Variants in CACNG4 observed in about 807,000 individuals in gnomAD.
The protein encoded by CACNG4 is calcium voltage-gated channel auxiliary subunit gamma 4.
CACNG4 carries 8 observed loss-of-function variants against 22.9 expected under a neutral mutation model. The observed-to-expected ratio is 0.35, with a 90% confidence interval of 0.21 to 0.63. CACNG4 has a LOEUF of 0.63. CACNG4 is among the 30% of genes least tolerant of loss of function. CACNG4 has a pLI of 0.72. For synonymous variants in CACNG4, 188 were observed against 191.9 expected (o/e 0.98, Z 0.17); for missense variants, 357 against 455.4 (o/e 0.78, Z 1.97).
intron 1 of CACNG4, among the ~76,000 whole-genome samples, chr17:67,016,649 G>C (rs1050562348): frequency 4.6e-5 from 7 of 152,202 alleles, no homozygotes; most frequent in African/African-American, 1.7e-4. Context: ...GCCCCAGGTG[G>C]AAACTGCTCC....
intron 3 of CACNG4, among the ~76,000 whole-genome samples, chr17:67,029,026 A>G (rs909187958): frequency 3.3e-5 from 5 of 152,214 alleles, no homozygotes; most frequent in Non-Finnish European, 7.3e-5. Flanking sequence ...GGACATTAGT[A>G]CAAACCCAGT....
At chr17:66,972,733 C>A in intron 1 of CACNG4, among the ~76,000 whole-genome samples, 1 of 151,962 alleles carries the variant, frequency 6.6e-6, no homozygotes, top group East Asian at 1.9e-4. Flanking sequence ...CAAGACCAGC[C>A]TGGCCAACAT....
chr17:67,032,437 ACAGTCGC>A lies in CACNG4; in HGVS notation c.*1435_*1441del. 1 of 193,478 alleles carries A rather than the reference ACAGTCGC, an allele frequency of 5.2e-6. No homozygotes were observed. Among genetic ancestry groups the A allele is most frequent in the South Asian group, 9.5e-5 (1 of 10,542 alleles). The allele number at this position is 193,478 out of a possible 1,614,324, so 12.0% of individuals were successfully genotyped here. ...TTGAGACTCCTTGATCCACCCTGGA[ACAGTCGC>A]CTGTAGTCCTGGTAGCTGTTGTGCT... On this transcript the variant is annotated 3_prime_UTR_variant, in exon 4 of 4. Coordinates refer to ENST00000262138, the MANE Select transcript of CACNG4 (RefSeq NM_014405.4).
At chr17:67,001,480 T>C (rs1384192591) in intron 1 of CACNG4, among the ~76,000 whole-genome samples, 4 of 152,176 alleles carry the variant, frequency 2.6e-5, no homozygotes, top group Admixed American at 2.0e-4. Context: ...CATCTTACCT[T>C]GCTAATTTTT....
intron 1 of CACNG4, among the ~76,000 whole-genome samples, chr17:66,998,274 G>A (rs896850345): frequency 9.2e-5 from 14 of 152,104 alleles, no homozygotes; most frequent in Admixed American, 1.3e-4. Flanking sequence ...CCAGGCTGAA[G>A]TGCAGTGGTG....
At chr17:67,015,488 A>G (rs2035491726) in intron 1 of CACNG4, among the ~76,000 whole-genome samples, 1 of 152,124 alleles carries the variant, frequency 6.6e-6, no homozygotes, top group African/African-American at 2.4e-5. Flanking sequence ...GTGATATTGC[A>G]CTACAGTTTT....
intron 1 of CACNG4, among the ~76,000 whole-genome samples, chr17:67,015,473 T>C (rs932848913): frequency 1.3e-5 from 2 of 152,212 alleles, no homozygotes; most frequent in African/African-American, 4.8e-5. Context: ...GTCAGCGTCC[T>C]GGTTGTGATA....
intron 1 of CACNG4, among the ~76,000 whole-genome samples, chr17:67,010,297 A>G (rs2035461272): frequency 6.6e-6 from 1 of 152,172 alleles, no homozygotes; most frequent in African/African-American, 2.4e-5. Context: ...AGCATCAGCC[A>G]ATACCCTCAG....
Position 67,030,634 on chromosome 17 carries a change from T to C in CACNG4, c.614T>C (p.Ile205Thr), listed in dbSNP as rs1598129271. 6.2e-7 allele frequency: 1 copy of C among 1,614,200 alleles called. No individual in the cohort carries two copies. The highest frequency in any genetic ancestry group is 8.5e-7 in the Non-Finnish European group (1 of 1,180,042). Residue 205 changes from isoleucine (I) to threonine (T), a missense_variant, in exon 4 of 4, where the codon ATT (isoleucine) becomes ACT (threonine). Physicochemically the swap from Ile to Thr is moderately conservative, Grantham distance 89 (BLOSUM62 -1). Transcript: ENST00000262138. The surrounding 1 kb of genome is among the most constrained non-coding windows in gnomAD (Gnocchi z 6.4). ...AETVGVLAVN[I>T]YIEKNKELRF... ...ACCGTGGGCGTCCTGGCTGTAAACA[T>C]TTACATTGAGAAAAATAAAGAGTTG...
chr17:67,011,700 G>C (rs767483925), intron 1 of CACNG4, among the ~76,000 whole-genome samples: 2 of 152,212 alleles, frequency 1.3e-5, no homozygotes, highest in Non-Finnish European at 2.9e-5. Flanking sequence ...ATGAATGATT[G>C]AGTGATGAGC....
At chr17:67,022,746 A>T (rs991541412) in intron 2 of CACNG4, among the ~76,000 whole-genome samples, 5 of 152,334 alleles carry the variant, frequency 3.3e-5, no homozygotes, top group African/African-American at 1.2e-4. Flanking sequence ...CGAGATTTCT[A>T]CGGGGCTGGG....
At chr17:67,015,309 G>A (rs766713041) in intron 1 of CACNG4, among the ~76,000 whole-genome samples, 2 of 152,154 alleles carry the variant, frequency 1.3e-5, no homozygotes, top group Non-Finnish European at 2.9e-5. Context: ...ATTTGTAGGA[G>A]AGTCTCAAAA....
intron 2 of CACNG4, among the ~76,000 whole-genome samples, chr17:67,019,551 A>C (rs988362121): frequency 1.3e-5 from 2 of 152,242 alleles, no homozygotes; most frequent in African/African-American, 2.4e-5. Flanking sequence ...AACCAGCCAC[A>C]GAGGCCCTTG....
intron 1 of CACNG4, among the ~76,000 whole-genome samples, chr17:66,971,736 C>T (rs956847828): frequency 1.3e-5 from 2 of 152,114 alleles, no homozygotes; most frequent in Non-Finnish European, 1.5e-5. Context: ...AAGGGCGAGC[C>T]GAGGCCCCGA....
intron 1 of CACNG4, among the ~76,000 whole-genome samples, chr17:66,974,972 C>T (rs1449576288): frequency 2.6e-5 from 4 of 151,198 alleles, no homozygotes; most frequent in South Asian, 4.3e-4. Context: ...ACCCTGACGC[C>T]GTGACTTGCC....
At chr17:66,981,079 G>A (rs2035269546) in intron 1 of CACNG4, among the ~76,000 whole-genome samples, 1 of 152,144 alleles carries the variant, frequency 6.6e-6, no homozygotes, top group Non-Finnish European at 1.5e-5. Context: ...CACTCTTTGT[G>A]GCAGTGAGTC....
chr17:67,006,910 T>A (rs1480406751), intron 1 of CACNG4, among the ~76,000 whole-genome samples: 4 of 151,532 alleles, frequency 2.6e-5, no homozygotes, highest in Non-Finnish European at 5.9e-5. Flanking sequence ...TGCAGTGGCT[T>A]ACACCTGTAA....
intron 3 of CACNG4, among the ~76,000 whole-genome samples, chr17:67,028,563 A>C (rs1221009380): frequency 6.6e-6 from 1 of 152,090 alleles, no homozygotes; most frequent in Non-Finnish European, 1.5e-5. Flanking sequence ...AAAAAAGAAA[A>C]ACAAAAACAG....
chr17:66,976,918 C>A (rs1487667793), intron 1 of CACNG4, among the ~76,000 whole-genome samples: 1 of 152,248 alleles, frequency 6.6e-6, no homozygotes, highest in African/African-American at 2.4e-5. Flanking sequence ...CCTCCGTCTC[C>A]AGCCCACTCA....
Sources: gnomAD v4.1 joint callset for allele counts (sites outside exome capture counted in the v4.1 genomes callset) on GRCh38, gnomAD v4.1.1 for gene constraint, Gnocchi (gnomAD v3.1) non-coding constraint, MANE v1.5 for transcripts, NCBI Gene and HGNC (gene_info 2026-07-23, HGNC 2026-07-21) for gene names.